The following CDH12 variants were observed in gnomAD, a reference collection of about 807,000 sequenced individuals.
CDH12 encodes the protein cadherin 12.
CDH12 carries 41 observed loss-of-function variants against 74.1 expected under a neutral mutation model. The observed-to-expected ratio is 0.55, with a 90% CI of 0.43 to 0.72. The LOEUF (loss-of-function observed/expected upper bound fraction) is 0.72, where lower values mean the gene tolerates loss of function less well. Ranked by LOEUF, CDH12 falls within the 30% of genes least tolerant of loss-of-function variation. The probability of loss-of-function intolerance (pLI) is 0.00; values close to 1 mark genes in which losing one functional copy is unlikely to be tolerated. For synonymous variants in CDH12, 399 were observed against 355.0 expected, an observed-to-expected ratio of 1.12 and a Z score of -1.39; for missense variants, 945 against 977.2, an observed-to-expected ratio of 0.97 and a Z score of 0.44.
chr5:22,358,468 A>C (rs1039403657), intron 3 of CDH12, among the ~76,000 whole-genome samples: 2 of 152,254 alleles, frequency 1.3e-5, no homozygotes, highest in Admixed American at 6.5e-5. Context: ...CTTTAAATGA[A>C]TTTGACAATG....
At chr5:22,305,537 C>CTTCA (rs149772610) in intron 3 of CDH12, among the ~76,000 whole-genome samples, 12,428 of 152,224 alleles carry the variant, frequency 0.082, 575 homozygotes, top group South Asian at 0.16. Context: ...AATGACCCAT[C>CTTCA]TTCAGATGGT....
intron 2 of CDH12, among the ~76,000 whole-genome samples, chr5:22,475,388 C>T (rs529894676): frequency 6.6e-6 from 1 of 151,304 alleles, no homozygotes; most frequent in East Asian, 1.9e-4. Flanking sequence ...TTTAATATAC[C>T]CTTTCTGGGT....
intron 6 of CDH12, among the ~76,000 whole-genome samples, chr5:21,944,216 C>T (rs1755466860): frequency 6.6e-6 from 1 of 152,154 alleles, no homozygotes; most frequent in Admixed American, 6.5e-5. Flanking sequence ...TTTCTTATTA[C>T]TAACAGTTTA....
intron 1 of CDH12, among the ~76,000 whole-genome samples, chr5:22,747,865 G>C (rs1745375356): frequency 6.6e-6 from 1 of 152,094 alleles, no homozygotes; most frequent in Admixed American, 6.6e-5. Context: ...TGGATAGATA[G>C]CTATAGGAAT....
chr5:22,059,299 T>TATCTATC (rs1561067341), intron 5 of CDH12, among the ~76,000 whole-genome samples: 23 of 142,934 alleles, frequency 1.6e-4, no homozygotes, highest in East Asian at 1.0e-3. Flanking sequence ...ATCTATCATC[T>TATCTATC]ATCTATCTAT....
At chr5:22,313,649 T>C (rs531691270) in intron 3 of CDH12, among the ~76,000 whole-genome samples, 1 of 152,248 alleles carries the variant, frequency 6.6e-6, no homozygotes, top group East Asian at 1.9e-4. Context: ...AGGCAGCCAT[T>C]AAAAGGAACA....
At chr5:21,964,309 G>T (rs1466403526) in intron 6 of CDH12, among the ~76,000 whole-genome samples, 1 of 151,966 alleles carries the variant, frequency 6.6e-6, no homozygotes, top group Non-Finnish European at 1.5e-5. Flanking sequence ...TATTATAACA[G>T]CAATTTCAGT....
intron 6 of CDH12, chr5:21,882,803 C>T (rs1752428230): frequency 6.4e-7 from 1 of 1,563,836 alleles, no homozygotes; most frequent in South Asian, 1.1e-5. Flanking sequence ...GGGGAAGTCC[C>T]AACGTAACAA....
intron 1 of CDH12, among the ~76,000 whole-genome samples, chr5:22,796,006 T>C (rs940851917): frequency 4.6e-5 from 7 of 152,122 alleles, no homozygotes; most frequent in African/African-American, 1.4e-4. Flanking sequence ...GGTTTGTCCA[T>C]GTTGTAAAAA....
At chr5:22,311,600 G>A (rs1479885762) in intron 3 of CDH12, among the ~76,000 whole-genome samples, 1 of 151,716 alleles carries the variant, frequency 6.6e-6, no homozygotes, top group Admixed American at 6.6e-5. Flanking sequence ...TACTCAGGAG[G>A]CTGAGGGCAG....
In CDH12 at chr5:22,803,679, C is replaced by A. The variant is rs564956857; in HGVS notation, c.-523+49379G>T. Among the ~76,000 whole-genome samples the A allele has an allele frequency of 5.3e-5, 8 of 152,286 alleles. No individual in the cohort carries two copies. The East Asian group carries it at 1.4e-3, about 26-fold the overall frequency. ...AAAAAAATACTTCACCTTGGCCGCACTTTTTCATATCTATAGAAAATTTAT... is the reference window on the plus strand; with the variant it reads ...AAAAAAATACTTCACCTTGGCCGCAATTTTTCATATCTATAGAAAATTTAT... On this transcript the variant is annotated intron_variant, in intron 1 of 14. Transcript: ENST00000382254.
chr5:22,785,244 A>C (rs1747566525), intron 1 of CDH12, among the ~76,000 whole-genome samples: 1 of 152,118 alleles, frequency 6.6e-6, no homozygotes, highest in African/African-American at 2.4e-5. Flanking sequence ...TAATCTCAAG[A>C]GTCATTCAGT....
intron 4 of CDH12, among the ~76,000 whole-genome samples, chr5:22,173,507 A>C (rs1749161041): frequency 6.6e-6 from 1 of 150,882 alleles, no homozygotes; most frequent in Non-Finnish European, 1.5e-5. Flanking sequence ...ACCCTTATAT[A>C]GGATTAGGCT....
In CDH12 at chr5:21,883,451, C is replaced by T. The variant is rs1579904068; in HGVS notation, c.527-28661G>A. 6.2e-6 allele frequency: 10 copies of T among 1,609,390 alleles called. No individual in the cohort carries two copies. The Admixed American group carries it at 1.5e-4, about 24-fold the overall frequency. ...ATGGAGAAGCTCTAAGTACACTCAT[C>T]TTGAATAGGCTAAAGGTTGGTCTTC... On this transcript the variant is annotated intron_variant, in intron 6 of 14. Coordinates refer to ENST00000382254, the MANE Select transcript of CDH12 (RefSeq NM_004061.5).
chr5:21,933,478 A>G (rs1469765392), intron 6 of CDH12, among the ~76,000 whole-genome samples: 3 of 152,218 alleles, frequency 2.0e-5, no homozygotes, highest in African/African-American at 7.2e-5. Context: ...ATAATTAAGG[A>G]AATATTAACT....
At chr5:21,921,301 T>C (rs1754340824) in intron 6 of CDH12, among the ~76,000 whole-genome samples, 1 of 152,196 alleles carries the variant, frequency 6.6e-6, no homozygotes. Context: ...GCCTTATCTA[T>C]ATACTTGTCA....
Position 22,745,614 on chromosome 5 carries a change from G to T in CDH12, c.-523+107444C>A, listed in dbSNP as rs146396540. On this transcript the variant is annotated intron_variant, in intron 1 of 14. Coordinates refer to ENST00000382254, the MANE Select transcript of CDH12 (RefSeq NM_004061.5). ...AAAAAAGAATGAGATCACATCCTTT[G>T]CGGAGACATGAATGGAGCTGGAGGC... 5.3e-5 allele frequency among the ~76,000 whole-genome samples: 8 copies of T among 152,258 alleles called. No homozygotes were observed. The East Asian group carries it at 1.5e-3, about 29-fold the overall frequency.
At chr5:22,627,084 A>T (rs1479810805) in intron 1 of CDH12, among the ~76,000 whole-genome samples, 1 of 152,174 alleles carries the variant, frequency 6.6e-6, no homozygotes, top group South Asian at 2.1e-4. Context: ...GAAATGTGGG[A>T]TTATGTAAAG....
intron 5 of CDH12, among the ~76,000 whole-genome samples, chr5:22,058,678 AAAGAAAGAAAG>A (rs1272661937): frequency 1.6e-3 from 247 of 151,596 alleles, no homozygotes; most frequent in South Asian, 4.6e-3. Context: ...AAGGAGAAAA[AAAGAAAGAAAG>A]AAGAAAGAAA....
Sources: gnomAD v4.1 joint callset for allele counts (sites outside exome capture counted in the v4.1 genomes callset) on GRCh38, gnomAD v4.1.1 for gene constraint, MANE v1.5 for transcripts, NCBI Gene and HGNC (gene_info 2026-07-23, HGNC 2026-07-21) for gene names.